Variants in RANGAP1 observed in about 807,000 individuals in gnomAD.
RANGAP1 encodes ran GTPase-activating protein 1.
Under a neutral mutation model 63.5 loss-of-function variants are expected in RANGAP1, and 38 were observed. The observed-to-expected ratio is 0.60, with a 90% CI of 0.46 to 0.78. RANGAP1 has a LOEUF of 0.78. Among genes scored for constraint, RANGAP1 ranks in the 30% least tolerant of loss-of-function variants. RANGAP1 has a pLI of 0.00. For missense variants in RANGAP1, 630 were observed against 740.3 expected, an observed-to-expected ratio of 0.85 and a Z score of 1.73; for synonymous variants, 329 against 310.5, an observed-to-expected ratio of 1.06 and a Z score of -0.63.
At chr22:41,289,221 G>C (rs2035808843), upstream of RANGAP1, among the ~76,000 whole-genome samples, 1 of 152,012 alleles carries the variant, frequency 6.6e-6, no homozygotes, top group African/African-American at 2.4e-5. Flanking sequence ...ACTGTGGCCG[G>C]CCTCCTGAAT....
At position 41,252,209 on chromosome 22, in the gene RANGAP1, G is replaced by A. The variant is rs750340744; in HGVS notation, c.1380+663C>T. Among the ~76,000 whole-genome samples the A allele has an allele frequency of 8.4e-4, 128 of 152,230 alleles. 1 individual carries two copies. Among genetic ancestry groups the A allele is most frequent in the Non-Finnish European group, 8.5e-4 (58 of 68,026 alleles). The stretch of plus-strand genomic sequence containing the variant: ...TAGCTGGGCGCGGGAGGCTGAGGCA[G>A]GAGAATTGCTTGAACCCAGGAGGCA... On this transcript the variant is annotated intron_variant, in intron 12 of 15. Coordinates refer to ENST00000356244, the MANE Select transcript of RANGAP1 (RefSeq NM_002883.4).
chr22:41,277,178 C>G (rs1195532839), intron 2 of RANGAP1, among the ~76,000 whole-genome samples: 1 of 145,022 alleles, frequency 6.9e-6, no homozygotes, highest in African/African-American at 2.5e-5. Context: ...CCCGGGTTCA[C>G]GCCATTCTCC....
At chr22:41,290,333 G>A (rs1031041150), upstream of RANGAP1, among the ~76,000 whole-genome samples, 3 of 150,068 alleles carry the variant, frequency 2.0e-5, no homozygotes, top group South Asian at 2.1e-4. Flanking sequence ...GGGTTCAAAC[G>A]ATTCTCCTGC....
intron 3 of RANGAP1, 33 bp from the exon 4 acceptor site, chr22:41,268,189 G>T: frequency 1.3e-6 from 2 of 1,497,112 alleles, no homozygotes; most frequent in Non-Finnish European, 1.8e-6. Context: ...GTTAGCGGGA[G>T]AGAGACCCCT....
intron 4 of RANGAP1, 98 bp from the exon 5 acceptor site, chr22:41,264,941 C>G: frequency 1.6e-6 from 2 of 1,287,752 alleles, no homozygotes; most frequent in South Asian, 2.8e-5. Context: ...CCAAGGACAC[C>G]CCGGCTGGTG....
chr22:41,302,228 T>TTGTC, the RANGAP1 span, among the ~76,000 whole-genome samples: 1 of 151,714 alleles, frequency 6.6e-6, no homozygotes, highest in African/African-American at 2.4e-5. The surrounding 1 kb of genome is among the most constrained non-coding windows in gnomAD (Gnocchi z 5.7). Context: ...TCCTTTTGTG[T>TTGTC]TGTCCTTGGC....
At chr22:41,278,300 A>G (rs912592097) in intron 2 of RANGAP1, among the ~76,000 whole-genome samples, 3 of 152,106 alleles carry the variant, frequency 2.0e-5, no homozygotes, top group African/African-American at 7.2e-5. Context: ...CGGCCTCCCA[A>G]AGTGCTGGGA....
In RANGAP1 at chr22:41,256,828, T is replaced by C. The variant is rs1297807260; in HGVS notation, c.775-4A>G. The C allele has an allele frequency of 1.2e-6, 2 of 1,612,742 alleles. No individual in the cohort carries two copies. Among genetic ancestry groups the C allele is most frequent in the Non-Finnish European group, 1.7e-6 (2 of 1,178,896 alleles). Reference sequence around the variant, plus strand: ...CCTGCCGCAAGGTCTTCAAGGTCTGTGAGGGGGAAGCAAGGGTCCAGAGTG... The same window carrying C: ...CCTGCCGCAAGGTCTTCAAGGTCTGCGAGGGGGAAGCAAGGGTCCAGAGTG... On this transcript the variant is annotated splice_region_variant and splice_polypyrimidine_tract_variant and intron_variant, in intron 7 of 15. Transcript: ENST00000356244.
intron 8 of RANGAP1, 102 bp from the exon 9 acceptor site, chr22:41,256,392 T>G: frequency 4.1e-6 from 5 of 1,217,058 alleles, no homozygotes; most frequent in Non-Finnish European, 5.9e-6. Flanking sequence ...TGGCAGGCTC[T>G]GTCCTCCAGG....
At position 41,254,431 on chromosome 22, in the gene RANGAP1, CTCT is replaced by C. The variant is rs770119874; in HGVS notation, c.1134_1136del (p.Glu382del). On this transcript the variant is annotated inframe_deletion, in exon 11 of 16. Transcript: ENST00000356244. ...CCTCCTCTTCCTCATCTTCCTCCTC[CTCT>C]TCTTCTGCTTCCTCTTCTTCCTCTT... 24 of 1,612,232 alleles carry C rather than the reference CTCT, an allele frequency of 1.5e-5. No homozygotes were observed. Among genetic ancestry groups the C allele is most frequent in the East Asian group, 4.5e-5 (2 of 44,856 alleles).
Position 41,249,596 on chromosome 22 carries a change from C to T in RANGAP1, c.1572+133G>A, listed in dbSNP as rs960812985. ...TGAAGACCAAGGCTGCTGGGGCAGACCCAGGCCTCGGGGCCCCGTGGGCGA... is the reference window on the plus strand; with the variant it reads ...TGAAGACCAAGGCTGCTGGGGCAGATCCAGGCCTCGGGGCCCCGTGGGCGA... On this transcript the variant is annotated intron_variant, in intron 14 of 15. Coordinates refer to ENST00000356244, the MANE Select transcript of RANGAP1 (RefSeq NM_002883.4). The T allele has an allele frequency of 3.5e-5, 53 of 1,528,660 alleles. No homozygotes were observed. The Middle Eastern group carries it at 5.2e-4, about 15-fold the overall frequency. The allele number at this position is 1,528,660 out of a possible 1,614,324, so 94.7% of individuals were successfully genotyped here. A position where few individuals can be genotyped will look rare whatever the true frequency, so the allele number is the denominator to read the frequency against.
At chr22:41,251,827 A>G (rs1360572251) in intron 12 of RANGAP1, among the ~76,000 whole-genome samples, 1 of 152,220 alleles carries the variant, frequency 6.6e-6, no homozygotes, top group African/African-American at 2.4e-5. Flanking sequence ...AAAAATCCTG[A>G]GAAGAGTTTT....
the RANGAP1 span, among the ~76,000 whole-genome samples, chr22:41,298,592 G>T: frequency 6.6e-6 from 1 of 150,788 alleles, no homozygotes; most frequent in Non-Finnish European, 1.5e-5. Flanking sequence ...TGGGATTACA[G>T]GGGTGAGCCA....
chr22:41,286,516 T>A (rs1034604385), upstream of RANGAP1, among the ~76,000 whole-genome samples: 1 of 152,218 alleles, frequency 6.6e-6, no homozygotes, highest in East Asian at 1.9e-4. Context: ...GTCCCTCAGC[T>A]CTTCCGGAAA....
chr22:41,249,845 C>T (rs1299484251), intron 13 of RANGAP1, 28 bp from the exon 14 acceptor site: 1 of 1,597,564 alleles, frequency 6.3e-7, no homozygotes, highest in Admixed American at 1.7e-5. Flanking sequence ...CAGGGGCAGG[C>T]TGCTGGCTAT....
the RANGAP1 span, among the ~76,000 whole-genome samples, chr22:41,291,322 G>A: frequency 2.0e-5 from 3 of 152,160 alleles, no homozygotes; most frequent in Non-Finnish European, 4.4e-5. Flanking sequence ...CATCGGCTGG[G>A]TGCGGTGGCT....
chr22:41,298,782 C>T, the RANGAP1 span, among the ~76,000 whole-genome samples: 2 of 152,108 alleles, frequency 1.3e-5, no homozygotes, highest in African/African-American at 4.8e-5. Context: ...TTTGGGTGTA[C>T]CCCATCGAGT....
chr22:41,253,237 A>G (rs902799051), intron 11 of RANGAP1, among the ~76,000 whole-genome samples: 1 of 152,154 alleles, frequency 6.6e-6, no homozygotes, highest in South Asian at 2.1e-4. Context: ...CTGGGACTCA[A>G]AAAACCTGCT....
intron 2 of RANGAP1, among the ~76,000 whole-genome samples, chr22:41,279,864 A>G (rs2035393113): frequency 6.6e-6 from 1 of 151,816 alleles, no homozygotes; most frequent in Admixed American, 6.6e-5. Context: ...TTGGGAGGCC[A>G]AGGTGGGCAG....
Sources: gnomAD v4.1 joint callset for allele counts (sites outside exome capture counted in the v4.1 genomes callset) on GRCh38, gnomAD v4.1.1 for gene constraint, Gnocchi (gnomAD v3.1) non-coding constraint, MANE v1.5 for transcripts, NCBI Gene and HGNC (gene_info 2026-07-23, HGNC 2026-07-21) for gene names.